The following LGR4 variants were observed in gnomAD, a reference collection of about 807,000 sequenced individuals.
LGR4 encodes the protein leucine-rich repeat-containing G protein-coupled receptor 4.
Under a neutral mutation model 84.8 loss-of-function variants are expected in LGR4, and 44 were observed. The ratio of observed to expected loss-of-function variants is 0.52; its 90% confidence interval spans 0.41 to 0.67. LGR4 has a LOEUF of 0.67. LGR4 is among the 30% of genes least tolerant of loss of function. LGR4 has a pLI of 0.00. For synonymous variants in LGR4, 429 were observed against 434.3 expected (o/e 0.99, Z 0.15); for missense variants, 1,032 against 1,131.4 (o/e 0.91, Z 1.26).
At chr11:27,378,262 C>T (rs1863026689) in intron 11 of LGR4, among the ~76,000 whole-genome samples, 1 of 152,084 alleles carries the variant, frequency 6.6e-6, no homozygotes, top group Admixed American at 6.6e-5. Context: ...TTTTTACATC[C>T]TTTATTTACT....
At chr11:27,465,610 G>A (rs1565102572) in intron 1 of LGR4, among the ~76,000 whole-genome samples, 1 of 152,220 alleles carries the variant, frequency 6.6e-6, no homozygotes, top group Non-Finnish European at 1.5e-5. Flanking sequence ...CAATTTAAAA[G>A]AGGTGTTTGA....
intron 17 of LGR4, 29 bp downstream of exon 17, chr11:27,371,586 G>A (rs368768591): frequency 6.8e-7 from 1 of 1,474,592 alleles, no homozygotes; most frequent in Non-Finnish European, 9.5e-7. Flanking sequence ...TTTAACATGG[G>A]TAACTGTGAA....
At chr11:27,372,085 G>A (rs866224319) in intron 16 of LGR4, among the ~76,000 whole-genome samples, 198 bp downstream of exon 16, 1 of 151,984 alleles carries the variant, frequency 6.6e-6, no homozygotes, top group South Asian at 2.1e-4. Flanking sequence ...GGCTGGTCTC[G>A]AACTCTTAGC....
At chr11:27,399,349 G>T (rs948104424) in intron 2 of LGR4, among the ~76,000 whole-genome samples, 14 of 152,066 alleles carry the variant, frequency 9.2e-5, no homozygotes, top group Non-Finnish European at 2.1e-4. Flanking sequence ...CCACAGTGCC[G>T]CATATGTGTA....
At chr11:27,429,563 C>T (rs1401560973) in intron 1 of LGR4, among the ~76,000 whole-genome samples, 1 of 151,578 alleles carries the variant, frequency 6.6e-6, no homozygotes, top group Non-Finnish European at 1.5e-5. Context: ...GAGGAGGAAC[C>T]TAAAAGAAAA....
intron 2 of LGR4, among the ~76,000 whole-genome samples, chr11:27,401,878 T>G (rs1405729905): frequency 5.3e-5 from 8 of 152,166 alleles, no homozygotes; most frequent in Non-Finnish European, 2.9e-5. Context: ...AAGTACACAC[T>G]GACACACTTG....
At chr11:27,372,075 G>A (rs983101815) in intron 16 of LGR4, among the ~76,000 whole-genome samples, 11 of 152,118 alleles carry the variant, frequency 7.2e-5, no homozygotes, top group Non-Finnish European at 1.6e-4. Flanking sequence ...TTGTTGCCCA[G>A]GCTGGTCTCG....
At chr11:27,414,899 A>G (rs145050294) in intron 1 of LGR4, among the ~76,000 whole-genome samples, 2 of 152,278 alleles carry the variant, frequency 1.3e-5, no homozygotes, top group African/African-American at 4.8e-5. Context: ...TTATACTGAC[A>G]TTATATACTG....
intron 1 of LGR4, among the ~76,000 whole-genome samples, chr11:27,456,034 T>A (rs1331178210): frequency 6.6e-6 from 1 of 152,242 alleles, no homozygotes; most frequent in South Asian, 2.1e-4. Flanking sequence ...ATTATCTGAA[T>A]GGCAGGACAG....
At chr11:27,373,950 C>T (rs1862930586) in intron 14 of LGR4, 25 bp downstream of exon 14, 6 of 1,506,920 alleles carry the variant, frequency 4.0e-6, no homozygotes, top group Admixed American at 1.7e-5. Context: ...ACTTTCATGA[C>T]ATTACTGCAT....
In LGR4 at chr11:27,384,147, C is replaced by T. The variant is rs180694600; in HGVS notation, c.689+189G>A. On this transcript the variant is annotated intron_variant, in intron 6 of 17. Transcript: ENST00000379214. ...GGAAAATATGCAATTCACACTTTGCCATTTTTAGCCATGGACTTAGATTAG... is the reference window on the plus strand; with the variant it reads ...GGAAAATATGCAATTCACACTTTGCTATTTTTAGCCATGGACTTAGATTAG... The T allele has an allele frequency of 1.6e-3, 798 of 492,382 alleles. 1 individual carries two copies. Among genetic ancestry groups the T allele is most frequent in the African/African-American group, 0.015 (735 of 50,134 alleles). 30.5% of individuals were successfully genotyped at this position (492,382 alleles called of 1,614,324 possible). A position where few individuals can be genotyped will look rare whatever the true frequency, so the allele number is the denominator to read the frequency against.
intron 13 of LGR4, among the ~76,000 whole-genome samples, chr11:27,374,361 C>A (rs890269796): frequency 6.6e-6 from 1 of 152,152 alleles, no homozygotes; most frequent in Non-Finnish European, 1.5e-5. Flanking sequence ...TTTGGTACTG[C>A]TAACTCAGTG....
At chr11:27,374,145 G>A (rs947426265) in intron 13 of LGR4, 99 bp from the exon 14 acceptor site, 6 of 768,808 alleles carry the variant, frequency 7.8e-6, no homozygotes, top group African/African-American at 1.7e-5. Context: ...ACACAATATC[G>A]CTGATAAGAT....
chr11:27,383,185 G>A (rs1667118366), intron 6 of LGR4, among the ~76,000 whole-genome samples: 4 of 152,150 alleles, frequency 2.6e-5, no homozygotes, highest in Admixed American at 2.6e-4. Context: ...AGTGTTTAAA[G>A]TTTAATTTCT....
intron 1 of LGR4, among the ~76,000 whole-genome samples, chr11:27,455,887 G>C (rs553045373): frequency 6.6e-6 from 1 of 152,202 alleles, no homozygotes; most frequent in African/African-American, 2.4e-5. Flanking sequence ...CTCTAAAATG[G>C]GGAGAATAAT....
intron 1 of LGR4, among the ~76,000 whole-genome samples, chr11:27,450,862 T>C (rs1864471143): frequency 6.6e-6 from 1 of 152,196 alleles, no homozygotes; most frequent in Non-Finnish European, 1.5e-5. Flanking sequence ...TGCACCTATA[T>C]TTAGAAACAA....
chr11:27,405,523 C>T (rs932928359), intron 2 of LGR4, among the ~76,000 whole-genome samples: 2 of 152,168 alleles, frequency 1.3e-5, no homozygotes, highest in African/African-American at 4.8e-5. Flanking sequence ...CTGGACTCCA[C>T]TCCTGAATTT....
chr11:27,430,007 G>A (rs1393654513), intron 1 of LGR4, among the ~76,000 whole-genome samples: 3 of 152,130 alleles, frequency 2.0e-5, no homozygotes, highest in African/African-American at 7.2e-5. Flanking sequence ...GTGCAGTGGT[G>A]TAGATGGGGC....
At chr11:27,384,278 G>T in intron 6 of LGR4, 58 bp downstream of exon 6, 1 of 1,122,202 alleles carries the variant, frequency 8.9e-7, no homozygotes, top group Non-Finnish European at 1.3e-6. Flanking sequence ...CTGCAGTGAA[G>T]TATAAAATTA....
Sources: gnomAD v4.1 joint callset for allele counts (sites outside exome capture counted in the v4.1 genomes callset) on GRCh38, gnomAD v4.1.1 for gene constraint, MANE v1.5 for transcripts, NCBI Gene and HGNC (gene_info 2026-07-23, HGNC 2026-07-21) for gene names.